Variants in GGT1 observed in about 807,000 individuals in gnomAD.
GGT1 encodes gamma-glutamyltransferase 1, also known as glutathione hydrolase 1 proenzyme.
In GGT1, 21 loss-of-function variants were observed where a neutral mutation model predicts 56.0. The observed-to-expected ratio is 0.38, with a 90% CI of 0.27 to 0.54. The LOEUF (loss-of-function observed/expected upper bound fraction) is 0.54. Among genes scored for constraint, GGT1 ranks in the 20% least tolerant of loss-of-function variants. The pLI is 0.82. For synonymous variants in GGT1, 238 were observed against 342.6 expected, an observed-to-expected ratio of 0.69 and a Z score of 3.37; for missense variants, 466 against 787.0, an observed-to-expected ratio of 0.59 and a Z score of 4.88.
At chr22:24,597,143 C>G (rs1404035044) in intron 1 of GGT1, among the ~76,000 whole-genome samples, 1 of 151,806 alleles carries the variant, frequency 6.6e-6, no homozygotes, top group Non-Finnish European at 1.5e-5. Flanking sequence ...CCACCACGCC[C>G]AGCTAATTTT....
chr22:24,607,110 A>T (rs2046369343), intron 1 of GGT1, among the ~76,000 whole-genome samples: 1 of 152,084 alleles, frequency 6.6e-6, no homozygotes, highest in Admixed American at 6.5e-5. Flanking sequence ...GGGCTCTGTG[A>T]GCTTGGGCCA....
chr22:24,589,872 G>A, upstream of GGT1: 4 of 1,613,908 alleles, frequency 2.5e-6, no homozygotes, highest in Non-Finnish European at 2.5e-6. Context: ...GGTCATGGGA[G>A]ATGGGGTCGA....
In GGT1 at chr22:24,614,862, G is replaced by A; in HGVS notation, c.251G>A (p.Gly84Asp). The change falls in exon 6 of 16, where the codon GGC becomes GAC. Residue 84 changes from glycine to aspartate, a missense_variant. Around this residue, in one of 2 missense-constraint regions of GGT1, gnomAD observed 456 missense variants for 716.7 expected, o/e 0.64. Transcript: ENST00000400382. The stretch of plus-strand genomic sequence containing the variant: ...GGGCTCATGAATGCCCACAGCATGG[G>A]CATCGGGGGTGGCCTCTTCCTCACC... ...CVGLMNAHSM[G>D]IGGGLFLTIY... is the part of the protein sequence containing the mutation. 1 of 1,613,398 alleles carries A rather than the reference G, an allele frequency of 6.2e-7. No individual in the cohort carries two copies. The highest frequency in any genetic ancestry group is 8.5e-7 in the Non-Finnish European group (1 of 1,179,560).
At chr22:24,585,703 G>A in the GGT1 span, 1 of 688,186 alleles carries the variant, frequency 1.5e-6, no homozygotes, top group Non-Finnish European at 2.4e-6. Context: ...AGGGAAGGCT[G>A]AGCCTCTAGC....
Position 24,595,655 on chromosome 22 carries a change from G to C in GGT1, c.-324+769G>C, listed in dbSNP as rs368096050. Among the ~76,000 whole-genome samples, 5 of 152,320 alleles carry C rather than the reference G, an allele frequency of 3.3e-5. No homozygotes were observed. In the South Asian group the frequency reaches 8.3e-4, roughly 25 times the overall value. ...CTAGACCTCAGGCCCTGATGGGAAC[G>C]TACTAGGCTCCAAGTGGGACCTGCC... On this transcript the variant is annotated intron_variant, in intron 1 of 6. Coordinates refer to the GGT1 transcript ENST00000411974.
At chr22:24,584,337 C>T in the GGT1 span, among the ~76,000 whole-genome samples, 4 of 152,288 alleles carry the variant, frequency 2.6e-5, no homozygotes, top group South Asian at 4.1e-4. Flanking sequence ...AGGAGCAGAG[C>T]GGGCCTGAAC....
At chr22:24,601,610 G>A (rs1018176690), upstream of GGT1, among the ~76,000 whole-genome samples, 1 of 152,232 alleles carries the variant, frequency 6.6e-6, no homozygotes, top group Non-Finnish European at 1.5e-5. Flanking sequence ...GGAGGCCACA[G>A]TGGGCCCATT....
In GGT1 at chr22:24,620,781, G is replaced by A. The variant is rs1296666269; in HGVS notation, c.576-132G>A. 6 of 1,460,282 alleles carry A rather than the reference G, an allele frequency of 4.1e-6. No homozygotes were observed. The highest frequency in any genetic ancestry group is 2.5e-4 in the Middle Eastern group (1 of 3,922). The allele number at this position is 1,460,282 out of a possible 1,614,324, so 90.5% of individuals were successfully genotyped here. A position where few individuals can be genotyped will look rare whatever the true frequency, so the allele number is the denominator to read the frequency against. ...AAGGGACACTAGGAAGACGAGCGCT[G>A]AGTGACAGGGCCACCCACCTGTGAC... is the stretch of plus-strand genomic sequence containing the variant. On this transcript the variant is annotated intron_variant, in intron 8 of 15. Coordinates refer to ENST00000400382, the MANE Select transcript of GGT1 (RefSeq NM_001288833.2). This position sits in a 1 kb window ranked among gnomAD's most constrained non-coding sequence, Gnocchi z 5.6.
In GGT1 at chr22:24,620,297, A is replaced by G; in HGVS notation, c.383-31A>G. ...CGAGAGATCCCGATGTCCCCCACTC[A>G]GGGTCACTAACTATGGCTCTCTCTC... On this transcript the variant is annotated intron_variant, in intron 7 of 15. Coordinates refer to ENST00000400382, the MANE Select transcript of GGT1 (RefSeq NM_001288833.2). The surrounding 1 kb of genome is among the most constrained non-coding windows in gnomAD (Gnocchi z 5.6). The G allele has an allele frequency of 1.9e-6, 3 of 1,608,624 alleles. No individual in the cohort carries two copies. The highest frequency in any genetic ancestry group is 2.5e-6 in the Non-Finnish European group (3 of 1,178,700).
chr22:24,589,468 C>A, the GGT1 span: 1 of 709,246 alleles, frequency 1.4e-6, no homozygotes, highest in Non-Finnish European at 1.8e-6. Context: ...GAGTTTGTTT[C>A]CGTTGGTGGA....
At chr22:24,622,381 A>G (rs763733113) in intron 9 of GGT1, among the ~76,000 whole-genome samples, 5 of 152,094 alleles carry the variant, frequency 3.3e-5, no homozygotes, top group South Asian at 2.1e-4. Context: ...TGGCTAACAC[A>G]GTGAAACCTG....
At chr22:24,587,040 T>G in the GGT1 span, among the ~76,000 whole-genome samples, 1 of 152,224 alleles carries the variant, frequency 6.6e-6, no homozygotes, top group Admixed American at 6.5e-5. Context: ...ATAGGTGAAG[T>G]AACTCTTCCA....
chr22:24,619,400 G>GAAAA (rs372709571), intron 7 of GGT1, among the ~76,000 whole-genome samples: 5 of 96,464 alleles, frequency 5.2e-5, no homozygotes, highest in African/African-American at 1.0e-4. Context: ...CTCCATCTCA[G>GAAAA]AAAAAAAAAA....
At chr22:24,622,254 G>A (rs1245476045) in intron 9 of GGT1, among the ~76,000 whole-genome samples, 2 of 151,424 alleles carry the variant, frequency 1.3e-5, no homozygotes, top group African/African-American at 4.9e-5. Flanking sequence ...AAAATTCAAA[G>A]CATAGTGAAA....
chr22:24,594,264 C>G (rs188006612), upstream of GGT1, among the ~76,000 whole-genome samples: 1,170 of 152,254 alleles, frequency 7.7e-3, 51 homozygotes, highest in Admixed American at 0.069. Context: ...AGGCACTGAT[C>G]TGCAGTTCCC....
At chr22:24,589,838 G>C, upstream of GGT1, 1 of 1,613,474 alleles carries the variant, frequency 6.2e-7, no homozygotes. Flanking sequence ...GGGCACTGCA[G>C]GTCCCGGGCC....
At chr22:24,589,880 C>A (rs199978445), upstream of GGT1, 1 of 1,613,860 alleles carries the variant, frequency 6.2e-7, no homozygotes, top group Non-Finnish European at 8.5e-7. Flanking sequence ...GAGATGGGGT[C>A]GACCGGGTTG....
Position 24,611,008 on chromosome 22 carries a change from C to G in GGT1, c.-7-67C>G. On this transcript the variant is annotated intron_variant, in intron 4 of 15. Coordinates refer to ENST00000400382, the MANE Select transcript of GGT1 (RefSeq NM_001288833.2). ...CTGAGGCCCGACTTTAGACTGTGCC[C>G]TGTTGGGGAGGGGCCAGGGAATGTC... The G allele has an allele frequency of 2.8e-6, 4 of 1,450,332 alleles. No homozygotes were observed. The South Asian group carries it at 3.7e-5, about 13-fold the overall frequency. 89.8% of individuals were successfully genotyped at this position (1,450,332 alleles called of 1,614,324 possible). A position where few individuals can be genotyped will look rare whatever the true frequency, so the allele number is the denominator to read the frequency against.
the GGT1 span, among the ~76,000 whole-genome samples, chr22:24,584,454 T>G: frequency 2.6e-5 from 4 of 152,000 alleles, no homozygotes; most frequent in Non-Finnish European, 5.9e-5. Context: ...TCCATCCCAG[T>G]CCTGGGACCC....
Sources: gnomAD v4.1 joint callset for allele counts (sites outside exome capture counted in the v4.1 genomes callset) on GRCh38, gnomAD v4.1.1 for gene constraint, gnomAD v4.1.1 regional missense constraint, Gnocchi (gnomAD v3.1) non-coding constraint, MANE v1.5 for transcripts, NCBI Gene and HGNC (gene_info 2026-07-23, HGNC 2026-07-21) for gene names.